CDCA7L: variants seen among roughly 807,000 people sequenced by gnomAD.
CDCA7L encodes the protein cell division cycle associated 7 like.
CDCA7L carries 44 observed loss-of-function variants against 57.4 expected under a neutral mutation model. That is an observed-to-expected ratio of 0.77 (90% CI 0.60 to 0.98). The LOEUF (loss-of-function observed/expected upper bound fraction) is 0.98. Among genes scored for constraint, CDCA7L ranks in the 50% least tolerant of loss-of-function variants. The probability of loss-of-function intolerance (pLI) is 0.00; values close to 1 mark genes in which losing one functional copy is unlikely to be tolerated. For missense variants in CDCA7L, 644 were observed against 580.6 expected, an observed-to-expected ratio of 1.11 and a Z score of -1.12; for synonymous variants, 236 against 202.8, an observed-to-expected ratio of 1.16 and a Z score of -1.39.
Position 21,945,857 on chromosome 7 carries a change from A to G in CDCA7L, c.-53T>C. The G allele has an allele frequency of 6.4e-7, 1 of 1,568,218 alleles. No individual in the cohort carries two copies. The highest frequency in any genetic ancestry group is 8.6e-7 in the Non-Finnish European group (1 of 1,158,808). On this transcript the variant is annotated 5_prime_UTR_variant, in exon 1 of 10. Coordinates refer to ENST00000406877, the MANE Select transcript of CDCA7L (RefSeq NM_018719.5). Reference sequence around the variant, plus strand: ...CCAGCACGCGGCCACGGGAGCCCGGACTCACCACGGCCCGGCGCACCAAGA... The same window carrying G: ...CCAGCACGCGGCCACGGGAGCCCGGGCTCACCACGGCCCGGCGCACCAAGA...
chr7:21,935,916 G>C (rs1016824891), intron 1 of CDCA7L, among the ~76,000 whole-genome samples: 7 of 152,140 alleles, frequency 4.6e-5, no homozygotes, highest in Admixed American at 3.9e-4. Flanking sequence ...GGCTGAAACA[G>C]AGAACTGCTT....
intron 1 of CDCA7L, among the ~76,000 whole-genome samples, chr7:21,941,779 T>A (rs957237534): frequency 6.6e-6 from 1 of 152,204 alleles, no homozygotes; most frequent in African/African-American, 2.4e-5. Context: ...AAAAGGCAGA[T>A]AACACAACCT....
intron 2 of CDCA7L, 64 bp from the exon 3 acceptor site, chr7:21,911,818 G>C: frequency 6.7e-7 from 1 of 1,495,106 alleles, no homozygotes; most frequent in Non-Finnish European, 9.1e-7. Flanking sequence ...GGGAAGGGTA[G>C]AATGAGGAGC....
intron 1 of CDCA7L, among the ~76,000 whole-genome samples, chr7:21,922,225 A>C (rs1179060730): frequency 6.6e-6 from 1 of 152,190 alleles, no homozygotes; most frequent in Non-Finnish European, 1.5e-5. Context: ...CCCTTTCAGA[A>C]AGGACTGCAG....
At position 21,904,256 on chromosome 7, in the gene CDCA7L, T is replaced by G. The variant is rs531936007; in HGVS notation, c.1051A>C (p.Asn351His). The G allele has an allele frequency of 5.0e-6, 8 of 1,602,348 alleles. No homozygotes were observed. Among genetic ancestry groups the G allele is most frequent in the Non-Finnish European group, 6.8e-6 (8 of 1,174,490 alleles). Residue 351 changes from asparagine to histidine, a missense_variant, in exon 8 of 10, where the codon AAC (asparagine) becomes CAC (histidine). Transcript: ENST00000406877. Reference protein sequence around the residue: ...RDKIYDKVLGNTCHQCRQKTI... With the variant: ...RDKIYDKVLGHTCHQCRQKTI... Reference sequence around the variant, plus strand: ...TTTTGTCGACACTGATGGCACGTGTTACCCTACAGGGGGAAGGCAGTGAGC... The same window carrying G: ...TTTTGTCGACACTGATGGCACGTGTGACCCTACAGGGGGAAGGCAGTGAGC...
intron 1 of CDCA7L, among the ~76,000 whole-genome samples, chr7:21,939,567 T>C (rs7790135): frequency 0.47 from 71,025 of 151,982 alleles, 17,543 homozygotes; most frequent in Admixed American, 0.59. Context: ...GGTCAGCAGA[T>C]AGAACATGTG....
intron 4 of CDCA7L, 85 bp downstream of exon 4, chr7:21,908,045 T>C: frequency 7.1e-7 from 1 of 1,411,662 alleles, no homozygotes; most frequent in Non-Finnish European, 9.4e-7. Flanking sequence ...CAGCAGCAGC[T>C]GTAGGAGCAA....
intron 1 of CDCA7L, among the ~76,000 whole-genome samples, chr7:21,933,710 G>A (rs1786083345): frequency 6.6e-6 from 1 of 151,994 alleles, no homozygotes. Flanking sequence ...TAGACGACGG[G>A]TTAATGGGTG....
At position 21,902,302 on chromosome 7, in the gene CDCA7L, T is replaced by TGGTTCTGTTTG. The variant is rs767636465; in HGVS notation, c.*9_*19dup. On this transcript the variant is annotated 3_prime_UTR_variant, in exon 10 of 10. Coordinates refer to ENST00000406877, the MANE Select transcript of CDCA7L (RefSeq NM_018719.5). Reference sequence around the variant, plus strand: ...TTGGAGTACTCTATGGTGAGGTGGCTGGTTCTGTTTGTTTTCCTCTTAATT... The same window carrying TGGTTCTGTTTG: ...TTGGAGTACTCTATGGTGAGGTGGCTGGTTCTGTTTGGGTTCTGTTTGTTTTCCTCTTAATT... The TGGTTCTGTTTG allele has an allele frequency of 6.2e-7, 1 of 1,612,418 alleles. No individual in the cohort carries two copies. Among genetic ancestry groups the TGGTTCTGTTTG allele is most frequent in the Admixed American group, 1.7e-5 (1 of 59,998 alleles).
intron 1 of CDCA7L, among the ~76,000 whole-genome samples, chr7:21,935,795 T>TA (rs1332976302): frequency 1.3e-5 from 2 of 152,056 alleles, no homozygotes; most frequent in African/African-American, 4.8e-5. Flanking sequence ...GATCACAAGG[T>TA]CAGGAGTTCA....
chr7:21,936,210 C>G lies in CDCA7L; in HGVS notation c.24+9571G>C, dbSNP rs552536419. Among the ~76,000 whole-genome samples the G allele has an allele frequency of 5.9e-5, 9 of 152,080 alleles. No homozygotes were observed. In the South Asian group the frequency reaches 1.9e-3, roughly 32 times the overall value. On this transcript the variant is annotated intron_variant, in intron 1 of 9. Transcript: ENST00000406877. ...ATCAAAACCCTCCCAACAAAGTAAACCCCAGGACAAGATGGCTTCATGGGT... is the reference window on the plus strand; with the variant it reads ...ATCAAAACCCTCCCAACAAAGTAAAGCCCAGGACAAGATGGCTTCATGGGT...
chr7:21,906,736 G>A, intron 4 of CDCA7L, 97 bp from the exon 5 acceptor site: 2 of 1,136,744 alleles, frequency 1.8e-6, no homozygotes, highest in Non-Finnish European at 2.6e-6. Context: ...GCCACCATAA[G>A]AAACCTAACT....
rs1277077121 is a variant in CDCA7L at position 21,935,036 on chromosome 7, G to C, written c.24+10745C>G. ...AGAGCAATAAGGAAACAGAAGACTT[G>C]AGCAACATTATAAACCAACTAAAAC... On this transcript the variant is annotated intron_variant, in intron 1 of 9. Transcript: ENST00000406877. Among the ~76,000 whole-genome samples the C allele has an allele frequency of 2.0e-5, 3 of 152,208 alleles. No individual in the cohort carries two copies. In the East Asian group the frequency reaches 5.8e-4, roughly 29 times the overall value.
chr7:21,940,724 C>T (rs1024195354), intron 1 of CDCA7L, among the ~76,000 whole-genome samples: 1 of 152,194 alleles, frequency 6.6e-6, no homozygotes, highest in African/African-American at 2.4e-5. Context: ...TGAATGTGGG[C>T]GCTGTGGATG....
intron 6 of CDCA7L, among the ~76,000 whole-genome samples, chr7:21,906,021 T>C (rs1301443963): frequency 1.3e-5 from 2 of 152,152 alleles, no homozygotes; most frequent in African/African-American, 4.8e-5. Context: ...GCAGCAGAGA[T>C]TAAAGCAGGG....
intron 1 of CDCA7L, among the ~76,000 whole-genome samples, chr7:21,925,228 C>T (rs1003498645): frequency 1.3e-5 from 2 of 152,042 alleles, no homozygotes; most frequent in Admixed American, 1.3e-4. Flanking sequence ...ACAAAGAAAA[C>T]TCACTAGGGA....
At chr7:21,923,581 C>G (rs553605361) in intron 1 of CDCA7L, among the ~76,000 whole-genome samples, 1 of 152,292 alleles carries the variant, frequency 6.6e-6, no homozygotes, top group South Asian at 2.1e-4. Flanking sequence ...ACTGACAGAA[C>G]AAGTCCAGAC....
At position 21,901,239 on chromosome 7, in the gene CDCA7L, G is replaced by A. The variant is rs1343219099; in HGVS notation, c.*1083C>T. 6 of 1,606,402 alleles carry A rather than the reference G, an allele frequency of 3.7e-6. No individual in the cohort carries two copies. The highest frequency in any genetic ancestry group is 5.1e-6 in the Non-Finnish European group (6 of 1,176,202). On this transcript the variant is annotated 3_prime_UTR_variant, in exon 10 of 10. Transcript: ENST00000406877. ...AATGGGTTCTGGCTGGAGTGGCTCTGCTTCTAGAAGCGTAAGGTAACACTG... is the reference window on the plus strand; with the variant it reads ...AATGGGTTCTGGCTGGAGTGGCTCTACTTCTAGAAGCGTAAGGTAACACTG...
intron 4 of CDCA7L, among the ~76,000 whole-genome samples, chr7:21,907,440 G>A (rs183219110): frequency 1.3e-5 from 2 of 151,958 alleles, no homozygotes; most frequent in Non-Finnish European, 2.9e-5. Flanking sequence ...TTACCAAAAT[G>A]CTAAAAGGGA....
Sources: gnomAD v4.1 joint callset for allele counts (sites outside exome capture counted in the v4.1 genomes callset) on GRCh38, gnomAD v4.1.1 for gene constraint, MANE v1.5 for transcripts, NCBI Gene and HGNC (gene_info 2026-07-23, HGNC 2026-07-21) for gene names.